PARP8: variants seen among roughly 807,000 people sequenced by gnomAD.
The protein encoded by PARP8 is poly(ADP-ribose) polymerase family member 8.
PARP8 carries 51 observed loss-of-function variants against 124.1 expected under a neutral mutation model. The observed-to-expected ratio is 0.41, with a 90% CI of 0.33 to 0.52. The LOEUF is 0.52. Among genes scored for constraint, PARP8 ranks in the 20% least tolerant of loss-of-function variants. PARP8 has a pLI of 0.21. For synonymous variants in PARP8, 391 were observed against 361.5 expected (o/e 1.08, Z -0.93); for missense variants, 860 against 1,018.9 (o/e 0.84, Z 2.12).
intron 3 of PARP8, among the ~76,000 whole-genome samples, chr5:50,755,035 T>C (rs1561333149): frequency 6.6e-6 from 1 of 151,892 alleles, no homozygotes; most frequent in Non-Finnish European, 1.5e-5. Flanking sequence ...GGGGTTGTTT[T>C]TTTCTTGTAC....
chr5:50,667,923 C>T (rs934499217), intron 1 of PARP8, 148 bp from the exon 2 acceptor site: 116 of 1,523,054 alleles, frequency 7.6e-5, no homozygotes, highest in Non-Finnish European at 9.2e-5. Context: ...CCCTCGGACG[C>T]GGCGCAGAGG....
At chr5:50,719,238 A>C (rs1454836143) in intron 2 of PARP8, among the ~76,000 whole-genome samples, 1 of 151,964 alleles carries the variant, frequency 6.6e-6, no homozygotes, top group Non-Finnish European at 1.5e-5. Context: ...GTAGTTTGCA[A>C]ATATTTTCTT....
chr5:50,826,818 T>A lies in PARP8; in HGVS notation c.1977+15T>A. 6.3e-7 allele frequency: 1 copy of A among 1,592,364 alleles called. No homozygotes were observed. The highest frequency in any genetic ancestry group is 1.4e-5 in the African/African-American group (1 of 73,196). Reference sequence around the variant, plus strand: ...CAGTTAACAGGGTAAGTTGTTTTTTTTTTTTTTACATATGCATACAGAAAT... The same window carrying A: ...CAGTTAACAGGGTAAGTTGTTTTTTATTTTTTTACATATGCATACAGAAAT... On this transcript the variant is annotated intron_variant, in intron 19 of 25. Coordinates refer to ENST00000281631, the MANE Select transcript of PARP8 (RefSeq NM_024615.4).
At chr5:50,770,856 G>C (rs1384144668) in intron 7 of PARP8, among the ~76,000 whole-genome samples, 1 of 151,964 alleles carries the variant, frequency 6.6e-6, no homozygotes, top group East Asian at 1.9e-4. Context: ...AGGCAGAGAT[G>C]AAAGTGTTCA....
intron 7 of PARP8, among the ~76,000 whole-genome samples, chr5:50,768,023 G>A (rs1340833177): frequency 6.6e-6 from 1 of 152,110 alleles, no homozygotes; most frequent in Non-Finnish European, 1.5e-5. Flanking sequence ...GTGTGTGTGT[G>A]TGTGTGTGTG....
chr5:50,801,972 G>T (rs1370719482), intron 14 of PARP8, among the ~76,000 whole-genome samples: 1 of 152,026 alleles, frequency 6.6e-6, no homozygotes, highest in African/African-American at 2.4e-5. Flanking sequence ...CTTTTTTCAT[G>T]CTTATGTTTT....
In PARP8 at chr5:50,819,427, CTTTTTTTTTTTTTTTTTT is replaced by C. The variant is rs34347134; in HGVS notation, c.1669-1773_1669-1756del. ...GTCTCAGAAAAGGCTATTTTATCTTCTTTTTTTTTTTTTTTTTTTTTTTTTTTTTTGAGACGGAGTTTT... is the reference window on the plus strand; with the variant it reads ...GTCTCAGAAAAGGCTATTTTATCTTCTTTTTTTTTTTTGAGACGGAGTTTT... On this transcript the variant is annotated intron_variant, in intron 15 of 25. Coordinates refer to ENST00000281631, the MANE Select transcript of PARP8 (RefSeq NM_024615.4). 5.4e-4 allele frequency among the ~76,000 whole-genome samples: 25 copies of C among 46,656 alleles called. 1 individual carries two copies. Among genetic ancestry groups the C allele is most frequent in the African/African-American group, 2.4e-3 (25 of 10,588 alleles). The allele number at this position is 46,656 out of a possible 152,430, so 30.6% of individuals were successfully genotyped here. A position where few individuals can be genotyped will look rare whatever the true frequency, so the allele number is the denominator to read the frequency against.
rs779315861 is a variant in PARP8 at position 50,796,982 on chromosome 5, C to A, written c.1429C>A (p.Pro477Thr). Residue 477 changes from proline to threonine, a missense_variant and splice_region_variant, in exon 13 of 26, where the codon CCA (proline) becomes ACA (threonine). Coordinates refer to ENST00000281631, the MANE Select transcript of PARP8 (RefSeq NM_024615.4). ...PSSSSSSQLAPNGAKCIPVRD... is the reference protein window; with the variant it reads ...PSSSSSSQLATNGAKCIPVRD... ...TTTTTTTTTACTTTGCTTTTTATAG[C>A]CAAATGGTGCAAAATGCATTCCAGT... is the stretch of plus-strand genomic sequence containing the variant. 6.2e-7 allele frequency: 1 copy of A among 1,605,532 alleles called. No individual in the cohort carries two copies. Among genetic ancestry groups the A allele is most frequent in the Admixed American group, 1.7e-5 (1 of 59,150 alleles).
At chr5:50,691,693 T>A (rs1445390095) in intron 2 of PARP8, among the ~76,000 whole-genome samples, 1 of 152,172 alleles carries the variant, frequency 6.6e-6, no homozygotes, top group Non-Finnish European at 1.5e-5. Flanking sequence ...AGCTCAGATC[T>A]ATGTTCTGTG....
intron 2 of PARP8, among the ~76,000 whole-genome samples, chr5:50,739,614 G>A (rs2149531395): frequency 6.7e-6 from 1 of 150,200 alleles, no homozygotes; most frequent in South Asian, 2.1e-4. Context: ...ATATACTAAA[G>A]TCTGTGCTCT....
At chr5:50,787,441 A>AT (rs1267053321) in intron 9 of PARP8, among the ~76,000 whole-genome samples, 2 of 151,936 alleles carry the variant, frequency 1.3e-5, no homozygotes, top group East Asian at 3.9e-4. Flanking sequence ...TGGCTGGGAC[A>AT]TTTTTTTCCT....
intron 2 of PARP8, among the ~76,000 whole-genome samples, chr5:50,711,055 G>A (rs1754719905): frequency 6.6e-6 from 1 of 152,056 alleles, no homozygotes; most frequent in Non-Finnish European, 1.5e-5. Context: ...ACTACCTTGT[G>A]GTGAATTGTT....
intron 2 of PARP8, among the ~76,000 whole-genome samples, chr5:50,691,491 T>C (rs77357862): frequency 0.022 from 3,355 of 152,266 alleles, 126 homozygotes; most frequent in African/African-American, 0.076. Flanking sequence ...AGGCCCCTTT[T>C]ATAGAACTCC....
chr5:50,675,769 G>A (rs943747404), intron 2 of PARP8, among the ~76,000 whole-genome samples: 4 of 151,776 alleles, frequency 2.6e-5, no homozygotes, highest in Non-Finnish European at 5.9e-5. Context: ...ATAAAGTACA[G>A]ACAAAAGTGG....
chr5:50,737,538 ACTT>A (rs777309062), intron 2 of PARP8, among the ~76,000 whole-genome samples: 7 of 152,180 alleles, frequency 4.6e-5, no homozygotes, highest in Non-Finnish European at 1.0e-4. Flanking sequence ...CTTAAAAAGA[ACTT>A]CTTCATCAAT....
chr5:50,759,512 A>G lies in PARP8; in HGVS notation c.185-131A>G, dbSNP rs1370427494. Reference sequence around the variant, plus strand: ...TTACTTTATCATATTTTTTGAGTTTAATCAAACAGTAGTGTATGCTTTATG... The same window carrying G: ...TTACTTTATCATATTTTTTGAGTTTGATCAAACAGTAGTGTATGCTTTATG... On this transcript the variant is annotated intron_variant, in intron 3 of 25. Coordinates refer to ENST00000281631, the MANE Select transcript of PARP8 (RefSeq NM_024615.4). 10 of 1,023,670 alleles carry G rather than the reference A, an allele frequency of 9.8e-6. No individual in the cohort carries two copies. The South Asian group carries it at 2.7e-4, about 28-fold the overall frequency. 63.4% of individuals were successfully genotyped at this position (1,023,670 alleles called of 1,614,324 possible).
chr5:50,827,401 A>G (rs913249897), intron 19 of PARP8, among the ~76,000 whole-genome samples: 13 of 152,138 alleles, frequency 8.5e-5, no homozygotes, highest in Non-Finnish European at 1.2e-4. Context: ...TCAAGCTATT[A>G]ATCCAAAAGA....
At position 50,723,926 on chromosome 5, in the gene PARP8, G is replaced by C. The variant is rs184311781; in HGVS notation, c.147-26225G>C. On this transcript the variant is annotated intron_variant, in intron 2 of 25. Transcript: ENST00000281631. ...TAGTTTTCCTTTTAAATATTAAGTAGAGAATTTGAAATCCTCCAGGAGAAA... is the reference window on the plus strand; with the variant it reads ...TAGTTTTCCTTTTAAATATTAAGTACAGAATTTGAAATCCTCCAGGAGAAA... Among the ~76,000 whole-genome samples, 270 of 152,140 alleles carry C rather than the reference G, an allele frequency of 1.8e-3. 2 individuals carry two copies. Among genetic ancestry groups the C allele is most frequent in the African/African-American group, 6.3e-3 (261 of 41,510 alleles).
chr5:50,824,259 G>T (rs1156359141), intron 17 of PARP8, among the ~76,000 whole-genome samples: 1 of 152,074 alleles, frequency 6.6e-6, no homozygotes, highest in Non-Finnish European at 1.5e-5. Context: ...ATTGGTTATT[G>T]GTTAAAATGG....
Sources: gnomAD v4.1 joint callset for allele counts (sites outside exome capture counted in the v4.1 genomes callset) on GRCh38, gnomAD v4.1.1 for gene constraint, MANE v1.5 for transcripts, NCBI Gene and HGNC (gene_info 2026-07-23, HGNC 2026-07-21) for gene names.